NKAIN2: variants seen among roughly 807,000 people sequenced by gnomAD.
The protein encoded by NKAIN2 is sodium/potassium-transporting ATPase subunit beta-1-interacting protein 2.
A neutral mutation model predicts 32.6 loss-of-function variants in NKAIN2; 14 were observed. The ratio of observed to expected loss-of-function variants is 0.43; its 90% CI spans 0.28 to 0.67. The LOEUF (loss-of-function observed/expected upper bound fraction) is 0.67. NKAIN2 is among the 30% of genes least tolerant of loss of function. The pLI is 0.17. For missense variants in NKAIN2, 198 were observed against 258.3 expected (o/e 0.77, Z 1.60); for synonymous variants, 80 against 87.2 (o/e 0.92, Z 0.46).
chr6:124,079,908 A>T (rs1035712931), intron 1 of NKAIN2, among the ~76,000 whole-genome samples: 1 of 151,920 alleles, frequency 6.6e-6, no homozygotes, highest in Non-Finnish European at 1.5e-5. Context: ...GAAAGGAAAG[A>T]AAGGGTGGGG....
At chr6:123,998,149 T>C (rs1431811262) in intron 1 of NKAIN2, among the ~76,000 whole-genome samples, 1 of 152,114 alleles carries the variant, frequency 6.6e-6, no homozygotes, top group East Asian at 1.9e-4. Context: ...CAAAGATAGA[T>C]GTGGGAAAAA....
intron 3 of NKAIN2, among the ~76,000 whole-genome samples, chr6:124,630,031 T>A (rs1783502429): frequency 6.6e-6 from 1 of 152,174 alleles, no homozygotes; most frequent in Non-Finnish European, 1.5e-5. Context: ...AGGAATACAG[T>A]TGGCATAGGA....
chr6:123,941,276 T>C (rs555585209), intron 1 of NKAIN2, among the ~76,000 whole-genome samples: 37 of 145,046 alleles, frequency 2.6e-4, no homozygotes, highest in Admixed American at 2.2e-3. Flanking sequence ...ATACTTAATA[T>C]TTTTTTTTTA....
chr6:124,283,329 AC>A (rs1795390957), intron 2 of NKAIN2, 187 bp downstream of exon 2: 1 of 489,254 alleles, frequency 2.0e-6, no homozygotes, highest in Non-Finnish European at 3.7e-6. Context: ...GGTTTAAGGC[AC>A]TTGATAGTGA....
intron 3 of NKAIN2, among the ~76,000 whole-genome samples, chr6:124,653,855 T>C (rs1784449985): frequency 6.6e-6 from 1 of 152,086 alleles, no homozygotes; most frequent in Admixed American, 6.6e-5. Context: ...TAAAACTCAA[T>C]GATGAAAAGC....
chr6:123,877,642 C>T (rs1773229238), intron 1 of NKAIN2, among the ~76,000 whole-genome samples: 1 of 152,134 alleles, frequency 6.6e-6, no homozygotes, highest in Admixed American at 6.5e-5. Context: ...TATTTGTATG[C>T]TTTTATCTTT....
chr6:124,350,450 A>T (rs1798668541), intron 2 of NKAIN2, among the ~76,000 whole-genome samples: 1 of 152,214 alleles, frequency 6.6e-6, no homozygotes, highest in Non-Finnish European at 1.5e-5. Context: ...AGAAAATAGG[A>T]TTAAGATAGG....
intron 1 of NKAIN2, among the ~76,000 whole-genome samples, chr6:123,899,584 A>C (rs1774456348): frequency 6.6e-6 from 1 of 152,188 alleles, no homozygotes; most frequent in Non-Finnish European, 1.5e-5. Flanking sequence ...CACGCACCTC[A>C]TGCACTGGTA....
chr6:124,279,902 A>C (rs1404457381), intron 1 of NKAIN2, among the ~76,000 whole-genome samples: 1 of 152,178 alleles, frequency 6.6e-6, no homozygotes, highest in Non-Finnish European at 1.5e-5. Context: ...TTACAAATAA[A>C]AACTTCATAA....
At chr6:123,871,877 G>T (rs1242664889) in intron 1 of NKAIN2, among the ~76,000 whole-genome samples, 1 of 152,130 alleles carries the variant, frequency 6.6e-6, no homozygotes, top group Admixed American at 6.5e-5. Context: ...CTTTGAATAT[G>T]AATCCCCGAT....
intron 1 of NKAIN2, among the ~76,000 whole-genome samples, chr6:123,942,524 T>C (rs866808125): frequency 1.3e-5 from 2 of 152,182 alleles, no homozygotes; most frequent in Middle Eastern, 6.8e-3. Context: ...GACGCAAGAC[T>C]AAATTTTACC....
chr6:124,095,485 A>C (rs1351895637), intron 1 of NKAIN2, among the ~76,000 whole-genome samples: 1 of 152,200 alleles, frequency 6.6e-6, no homozygotes, highest in East Asian at 1.9e-4. Flanking sequence ...CTATATATAC[A>C]ACCTTTCAAA....
intron 1 of NKAIN2, among the ~76,000 whole-genome samples, chr6:124,270,872 C>A (rs1359369032): frequency 6.6e-6 from 1 of 152,182 alleles, no homozygotes; most frequent in Non-Finnish European, 1.5e-5. Context: ...ATTTGAACAG[C>A]TACACCTGGG....
chr6:124,003,707 A>G (rs1388576422), intron 1 of NKAIN2, among the ~76,000 whole-genome samples: 1 of 152,150 alleles, frequency 6.6e-6, no homozygotes, highest in African/African-American at 2.4e-5. Flanking sequence ...GTTGCCTGTA[A>G]CCACTGCCTG....
intron 3 of NKAIN2, among the ~76,000 whole-genome samples, chr6:124,575,546 T>G (rs1369906381): frequency 6.6e-6 from 1 of 152,236 alleles, no homozygotes; most frequent in African/African-American, 2.4e-5. Flanking sequence ...TCTGCCACCC[T>G]GCTTCTGCAT....
At chr6:124,435,938 G>A (rs1347243013) in intron 3 of NKAIN2, among the ~76,000 whole-genome samples, 3 of 152,004 alleles carry the variant, frequency 2.0e-5, no homozygotes, top group Non-Finnish European at 4.4e-5. Context: ...AATATAAGTA[G>A]TTTCTTTATA....
At chr6:124,647,092 G>C (rs1784200541) in intron 3 of NKAIN2, among the ~76,000 whole-genome samples, 1 of 151,752 alleles carries the variant, frequency 6.6e-6, no homozygotes, top group African/African-American at 2.4e-5. Flanking sequence ...TTATTAATGG[G>C]TATGGATATG....
chr6:123,861,123 G>A (rs999499403), intron 1 of NKAIN2, among the ~76,000 whole-genome samples: 4 of 152,172 alleles, frequency 2.6e-5, no homozygotes, highest in East Asian at 1.9e-4. Context: ...TGTATTAGGG[G>A]CAGATAATGG....
chr6:124,140,794 G>A (rs1005012488), intron 1 of NKAIN2, among the ~76,000 whole-genome samples: 1 of 152,144 alleles, frequency 6.6e-6, no homozygotes, highest in Non-Finnish European at 1.5e-5. Flanking sequence ...TGTAGAAAGA[G>A]CAGAGGATCT....
Sources: allele counts gnomAD v4.1 joint callset (sites outside exome capture counted in the v4.1 genomes callset), GRCh38; gene constraint gnomAD v4.1.1; transcripts MANE v1.5; gene names NCBI Gene and HGNC (gene_info 2026-07-23, HGNC 2026-07-21).